Variants in MAP4K4 observed in about 807,000 individuals in gnomAD.
MAP4K4 encodes HPK/GCK-like kinase HGK.
MAP4K4 carries 38 observed loss-of-function variants against 189.6 expected under a neutral mutation model. The ratio of observed to expected loss-of-function variants is 0.20; its 90% CI spans 0.15 to 0.26. The LOEUF (loss-of-function observed/expected upper bound fraction) is 0.26, where lower values mean the gene tolerates loss of function less well. Among genes scored for constraint, MAP4K4 ranks in the 10% least tolerant of loss-of-function variants. MAP4K4 has a pLI of 1.00. For missense variants in MAP4K4, 1,054 were observed against 1,726.9 expected, an observed-to-expected ratio of 0.61 and a Z score of 6.91; for synonymous variants, 610 against 624.3, an observed-to-expected ratio of 0.98 and a Z score of 0.34.
chr2:101,825,291 C>A (rs150431055), intron 4 of MAP4K4, 28 bp from the exon 5 acceptor site: 2 of 1,444,370 alleles, frequency 1.4e-6, no homozygotes, highest in Non-Finnish European at 1.9e-6. Context: ...AGATATGTTG[C>A]TCACCTTGTG....
intron 27 of MAP4K4, among the ~76,000 whole-genome samples, chr2:101,877,674 C>T (rs1373022451): frequency 1.3e-5 from 2 of 151,134 alleles, no homozygotes; most frequent in Non-Finnish European, 2.9e-5. Context: ...GTATTCTTTG[C>T]CATTATTGTA....
At chr2:101,776,514 A>T (rs913154642) in intron 2 of MAP4K4, among the ~76,000 whole-genome samples, 31 of 152,162 alleles carry the variant, frequency 2.0e-4, no homozygotes, top group Non-Finnish European at 1.3e-4. Context: ...TTTAAAAAAA[A>T]ATATACAGCT....
At chr2:101,829,766 C>G in intron 6 of MAP4K4, 172 bp downstream of exon 6, 2 of 552,376 alleles carry the variant, frequency 3.6e-6, no homozygotes, top group African/African-American at 3.8e-5. Context: ...CCAGCCTCCC[C>G]ACTTCCATGT....
intron 3 of MAP4K4, among the ~76,000 whole-genome samples, chr2:101,804,967 G>T (rs200679216): frequency 6.6e-6 from 1 of 151,368 alleles, no homozygotes; most frequent in Non-Finnish European, 1.5e-5. Flanking sequence ...CCAGCTACTC[G>T]GGAGGCTGAG....
chr2:101,788,762 C>A (rs939546756), intron 2 of MAP4K4, among the ~76,000 whole-genome samples: 1 of 152,146 alleles, frequency 6.6e-6, no homozygotes, highest in Non-Finnish European at 1.5e-5. Flanking sequence ...ATGCCACTTT[C>A]TGACTAAGTC....
At chr2:101,748,761 C>T (rs1424708949) in intron 2 of MAP4K4, among the ~76,000 whole-genome samples, 1 of 151,654 alleles carries the variant, frequency 6.6e-6, no homozygotes, top group East Asian at 1.9e-4. Flanking sequence ...TAGAAAACCC[C>T]GTTGTCTCAG....
intron 6 of MAP4K4, among the ~76,000 whole-genome samples, chr2:101,830,519 G>T (rs1042651386): frequency 6.6e-6 from 1 of 152,164 alleles, no homozygotes; most frequent in Admixed American, 6.5e-5. Context: ...ATATGGGTCT[G>T]GTCAACCTTT....
At chr2:101,845,238 C>T (rs924200104) in intron 12 of MAP4K4, among the ~76,000 whole-genome samples, 14 of 150,316 alleles carry the variant, frequency 9.3e-5, no homozygotes, top group Non-Finnish European at 1.9e-4. Context: ...ATGCAGAAAA[C>T]AATTTGAACC....
chr2:101,864,919 T>A lies in MAP4K4; in HGVS notation c.2098-11T>A, dbSNP rs1463528820. On this transcript the variant is annotated splice_polypyrimidine_tract_variant and intron_variant, in intron 17 of 32. Transcript: ENST00000324219. Reference sequence around the variant, plus strand: ...TTTCAATAATTTAATTGCTATATTTTCTACTTAAAGGTTCCTGTGAGAACA... The same window carrying A: ...TTTCAATAATTTAATTGCTATATTTACTACTTAAAGGTTCCTGTGAGAACA... The A allele has an allele frequency of 6.0e-6, 9 of 1,508,950 alleles. No homozygotes were observed. The highest frequency in any genetic ancestry group is 1.7e-4 in the Middle Eastern group (1 of 5,846). The allele number at this position is 1,508,950 out of a possible 1,614,324, so 93.5% of individuals were successfully genotyped here.
At chr2:101,788,655 GATTA>G (rs753461957) in intron 2 of MAP4K4, among the ~76,000 whole-genome samples, 6 of 152,248 alleles carry the variant, frequency 3.9e-5, no homozygotes, top group South Asian at 2.1e-4. Context: ...AAAAATAATT[GATTA>G]GTTTTTAGTT....
intron 2 of MAP4K4, among the ~76,000 whole-genome samples, chr2:101,723,161 C>G (rs1382503804): frequency 6.6e-6 from 1 of 152,186 alleles, no homozygotes; most frequent in Non-Finnish European, 1.5e-5. Flanking sequence ...GGGAAACACC[C>G]TCATGATTCA....
At chr2:101,855,733 T>C (rs1328572406) in intron 12 of MAP4K4, among the ~76,000 whole-genome samples, 1 of 152,214 alleles carries the variant, frequency 6.6e-6, no homozygotes, top group East Asian at 1.9e-4. Context: ...GGGGAATAAT[T>C]GTTATCAAAA....
At chr2:101,806,351 A>G (rs1007513075) in intron 3 of MAP4K4, among the ~76,000 whole-genome samples, 2 of 149,674 alleles carry the variant, frequency 1.3e-5, no homozygotes, top group Non-Finnish European at 3.0e-5. Flanking sequence ...AAAAGAGTGA[A>G]TGCCTTCATT....
At chr2:101,789,948 A>G (rs1448460475) in intron 2 of MAP4K4, among the ~76,000 whole-genome samples, 1 of 152,204 alleles carries the variant, frequency 6.6e-6, no homozygotes, top group Non-Finnish European at 1.5e-5. Flanking sequence ...ATTATAATAC[A>G]ACTGTAAGAA....
At chr2:101,786,891 A>G (rs796881161) in intron 2 of MAP4K4, among the ~76,000 whole-genome samples, 17 of 152,336 alleles carry the variant, frequency 1.1e-4, no homozygotes, top group African/African-American at 3.8e-4. Flanking sequence ...TAAACACATT[A>G]ATGTTTACGT....
At chr2:101,728,708 G>A (rs1462938170) in intron 2 of MAP4K4, among the ~76,000 whole-genome samples, 3 of 152,036 alleles carry the variant, frequency 2.0e-5, no homozygotes, top group Non-Finnish European at 1.5e-5. Flanking sequence ...TAGTGCAGAC[G>A]GGGTTTCACC....
At chr2:101,754,691 C>T (rs2071343326) in intron 2 of MAP4K4, among the ~76,000 whole-genome samples, 1 of 152,158 alleles carries the variant, frequency 6.6e-6, no homozygotes. Flanking sequence ...TTTCATCAAG[C>T]AGAGTTAATT....
chr2:101,843,999 A>T, intron 11 of MAP4K4, 102 bp from the exon 12 acceptor site: 1 of 746,318 alleles, frequency 1.3e-6, no homozygotes, highest in South Asian at 1.8e-5. Flanking sequence ...AGAGGAACTC[A>T]GAGAATGAAT....
intron 3 of MAP4K4, among the ~76,000 whole-genome samples, chr2:101,804,804 G>C (rs1014612267): frequency 6.6e-6 from 1 of 152,014 alleles, no homozygotes; most frequent in Non-Finnish European, 1.5e-5. Context: ...ATTTTGGGCC[G>C]GGTGCGGTGG....
Sources: gnomAD v4.1 joint callset for allele counts (sites outside exome capture counted in the v4.1 genomes callset) on GRCh38, gnomAD v4.1.1 for gene constraint, MANE v1.5 for transcripts, NCBI Gene and HGNC (gene_info 2026-07-23, HGNC 2026-07-21) for gene names.